Variants in KLHL29 observed in about 807,000 individuals in gnomAD.
KLHL29 encodes kelch-like protein 29.
In KLHL29, 21 loss-of-function variants were observed where a neutral mutation model predicts 80.4. That is an observed-to-expected ratio of 0.26 (90% CI 0.19 to 0.38). The LOEUF is 0.38. KLHL29 is among the 10% of genes least tolerant of loss of function. The pLI, the probability that KLHL29 is intolerant of heterozygous loss-of-function variation, is 1.00. For synonymous variants in KLHL29, 511 were observed against 526.8 expected, an observed-to-expected ratio of 0.97 and a Z score of 0.41; for missense variants, 867 against 1,223.9, an observed-to-expected ratio of 0.71 and a Z score of 4.35.
At chr2:23,564,071 G>A (rs1024941452) in intron 3 of KLHL29, among the ~76,000 whole-genome samples, 3 of 152,252 alleles carry the variant, frequency 2.0e-5, no homozygotes, top group Non-Finnish European at 1.5e-5. Flanking sequence ...CGCTGGAACC[G>A]ACTGCTCGGG....
At chr2:23,454,979 C>A (rs573323300) in intron 1 of KLHL29, among the ~76,000 whole-genome samples, 1 of 129,612 alleles carries the variant, frequency 7.7e-6, no homozygotes, top group Non-Finnish European at 1.6e-5. Context: ...TTTGACAACT[C>A]GTAGAAACAG....
At chr2:23,436,198 G>A (rs983433747) in intron 1 of KLHL29, among the ~76,000 whole-genome samples, 11 of 151,802 alleles carry the variant, frequency 7.2e-5, no homozygotes, top group African/African-American at 1.9e-4. Flanking sequence ...CGTATTCCCC[G>A]CAGTGCCTAG....
chr2:23,582,540 G>C (rs1354409294), intron 3 of KLHL29, among the ~76,000 whole-genome samples: 2 of 152,156 alleles, frequency 1.3e-5, no homozygotes, highest in Non-Finnish European at 2.9e-5. Context: ...AGATTGTCCT[G>C]CCCCTCCAGG....
chr2:23,596,797 G>T lies in KLHL29; in HGVS notation c.285+34316G>T, dbSNP rs530558825. On this transcript the variant is annotated intron_variant, in intron 3 of 13. Coordinates refer to ENST00000486442, the MANE Select transcript of KLHL29 (RefSeq NM_052920.2). The surrounding 1 kb of genome is among the most constrained non-coding windows in gnomAD (Gnocchi z 4.4). Reference sequence around the variant, plus strand: ...ATCTCAGAAACAGGTTCCCCCAGGAGGACATAAATAAATAAGGGATTCCTG... The same window carrying T: ...ATCTCAGAAACAGGTTCCCCCAGGATGACATAAATAAATAAGGGATTCCTG... Among the ~76,000 whole-genome samples the T allele has an allele frequency of 6.6e-6, 1 of 152,268 alleles. No individual in the cohort carries two copies. Among genetic ancestry groups the T allele is most frequent in the East Asian group, 1.9e-4 (1 of 5,186 alleles).
At chr2:23,639,477 A>G (rs1669707880) in intron 4 of KLHL29, among the ~76,000 whole-genome samples, 197 bp downstream of exon 4, 1 of 152,170 alleles carries the variant, frequency 6.6e-6, no homozygotes, top group Non-Finnish European at 1.5e-5. Context: ...TTCCTCTGCT[A>G]CTCAAGGACT....
At chr2:23,570,613 G>A (rs1334373009) in intron 3 of KLHL29, among the ~76,000 whole-genome samples, 2 of 152,180 alleles carry the variant, frequency 1.3e-5, no homozygotes, top group Admixed American at 1.3e-4. Flanking sequence ...GCCCGGCCCA[G>A]TTGGAGCTGT....
In KLHL29 at chr2:23,664,833, A is replaced by G. The variant is rs188197477; in HGVS notation, c.941-19566A>G. 1.3e-4 allele frequency among the ~76,000 whole-genome samples: 20 copies of G among 151,928 alleles called. No individual in the cohort carries two copies. The East Asian group carries it at 3.7e-3, about 28-fold the overall frequency. On this transcript the variant is annotated intron_variant, in intron 5 of 13. Transcript: ENST00000486442. ...AACCAGCCAGGAGGCTCCGGGGCCA[A>G]TCACTCCCCTTCCCCTCCAAAGGAG...
chr2:23,585,748 G>T (rs902394778), intron 3 of KLHL29, among the ~76,000 whole-genome samples: 1 of 152,098 alleles, frequency 6.6e-6, no homozygotes, highest in Non-Finnish European at 1.5e-5. Context: ...GCAGGAGGGC[G>T]GTGTCGGAGG....
At chr2:23,581,108 T>G (rs1378408050) in intron 3 of KLHL29, among the ~76,000 whole-genome samples, 1 of 151,972 alleles carries the variant, frequency 6.6e-6, no homozygotes, top group Non-Finnish European at 1.5e-5. Context: ...TTTAAAGAAA[T>G]AGACTCACAT....
chr2:23,453,436 G>A (rs1459639014), intron 1 of KLHL29, among the ~76,000 whole-genome samples: 2 of 152,214 alleles, frequency 1.3e-5, no homozygotes, highest in African/African-American at 2.4e-5. Context: ...TCAGAAATGC[G>A]ATTGAAAATA....
At chr2:23,654,759 G>A (rs899473529) in intron 5 of KLHL29, among the ~76,000 whole-genome samples, 11 of 147,174 alleles carry the variant, frequency 7.5e-5, no homozygotes, top group Non-Finnish European at 1.0e-4. Flanking sequence ...TATTCACCCC[G>A]TATTTATGTA....
intron 1 of KLHL29, among the ~76,000 whole-genome samples, chr2:23,419,009 G>C (rs943342834): frequency 8.5e-5 from 13 of 152,198 alleles, no homozygotes; most frequent in Middle Eastern, 6.8e-3. Context: ...GTACTGTTAG[G>C]ATTCATTACT....
At chr2:23,404,270 T>TAA (rs5829894) in intron 1 of KLHL29, among the ~76,000 whole-genome samples, 106 of 150,600 alleles carry the variant, frequency 7.0e-4, no homozygotes, top group African/African-American at 1.9e-3. Flanking sequence ...CGATGACTAT[T>TAA]AAAAAAAAAA....
chr2:23,591,731 C>T (rs1400066523), intron 3 of KLHL29, among the ~76,000 whole-genome samples: 2 of 152,178 alleles, frequency 1.3e-5, no homozygotes, highest in East Asian at 3.9e-4. Flanking sequence ...TCCAGCCTGC[C>T]CTCTCTACCC....
rs1173766935 is a variant in KLHL29 at position 23,681,044 on chromosome 2, G to A, written c.941-3355G>A. On this transcript the variant is annotated intron_variant, in intron 5 of 13. Transcript: ENST00000486442. The surrounding 1 kb of genome is among the most constrained non-coding windows in gnomAD (Gnocchi z 4.2). ...GTGTCCTTTGCCAAAACATGGGGCA[G>A]GGAGGAGGGCAGCCTGTGCCCAGCG... Among the ~76,000 whole-genome samples the A allele has an allele frequency of 6.6e-6, 1 of 152,238 alleles. No individual in the cohort carries two copies. The highest frequency in any genetic ancestry group is 1.9e-4 in the East Asian group (1 of 5,190).
chr2:23,608,700 C>T (rs887200203), intron 3 of KLHL29, among the ~76,000 whole-genome samples: 3 of 152,126 alleles, frequency 2.0e-5, no homozygotes, highest in African/African-American at 2.4e-5. Flanking sequence ...CAATATGGAG[C>T]GTTTAGATAC....
chr2:23,438,775 T>C (rs1292705534), intron 1 of KLHL29, among the ~76,000 whole-genome samples: 1 of 152,140 alleles, frequency 6.6e-6, no homozygotes, highest in East Asian at 1.9e-4. Flanking sequence ...AAATTCTTTT[T>C]TTGGTTGTGT....
chr2:23,701,917 C>T (rs1309476669), intron 11 of KLHL29, among the ~76,000 whole-genome samples: 1 of 150,118 alleles, frequency 6.7e-6, no homozygotes, highest in African/African-American at 2.5e-5. Flanking sequence ...TCTTCTGCCT[C>T]AGCCGGGTAG....
intron 2 of KLHL29, among the ~76,000 whole-genome samples, chr2:23,531,508 C>T (rs573904661): frequency 3.9e-5 from 6 of 152,222 alleles, no homozygotes; most frequent in East Asian, 1.9e-4. Context: ...TCCGAGCCGC[C>T]AGGACGGAGC....
Sources: gnomAD v4.1 joint callset for allele counts (sites outside exome capture counted in the v4.1 genomes callset) on GRCh38, gnomAD v4.1.1 for gene constraint, Gnocchi (gnomAD v3.1) non-coding constraint, MANE v1.5 for transcripts, NCBI Gene and HGNC (gene_info 2026-07-23, HGNC 2026-07-21) for gene names.